Variants in MAPK8IP2 observed in about 807,000 individuals in gnomAD.
The protein encoded by MAPK8IP2 is mitogen-activated protein kinase 8 interacting protein 2, also known as C-Jun-amino-terminal kinase-interacting protein 2.
In MAPK8IP2, 15 loss-of-function variants were observed where a neutral mutation model predicts 75.6. The observed-to-expected ratio is 0.20, with a 90% CI of 0.13 to 0.31. MAPK8IP2 has a LOEUF of 0.31. Among genes scored for constraint, MAPK8IP2 ranks in the 10% least tolerant of loss-of-function variants. The pLI is 1.00. For synonymous variants in MAPK8IP2, 632 were observed against 554.5 expected, an observed-to-expected ratio of 1.14 and a Z score of -1.96; for missense variants, 1,089 against 1,211.2, an observed-to-expected ratio of 0.90 and a Z score of 1.50.
rs757280859 is a variant in MAPK8IP2 at position 50,610,703 on chromosome 22, C to T, written c.2403-4C>T. ...GTGGCTGGTGGAGGACCGTCTTTCC[C>T]CAGCCGCGCCTTCCTGGAGTACTAC... On this transcript the variant is annotated splice_polypyrimidine_tract_variant and splice_region_variant and intron_variant, in intron 11 of 11. Transcript: ENST00000329492. The surrounding 1 kb of genome is among the most constrained non-coding windows in gnomAD (Gnocchi z 4.3). 1.1e-5 allele frequency: 18 copies of T among 1,600,816 alleles called. No homozygotes were observed. The highest frequency in any genetic ancestry group is 6.9e-5 in the Admixed American group (4 of 58,126).
Position 50,610,929 on chromosome 22 carries a change from C to T in MAPK8IP2, c.*150C>T, listed in dbSNP as rs1158548300. On this transcript the variant is annotated 3_prime_UTR_variant, in exon 12 of 12. Coordinates refer to ENST00000329492, the MANE Select transcript of MAPK8IP2 (RefSeq NM_012324.6). The surrounding 1 kb of genome is among the most constrained non-coding windows in gnomAD (Gnocchi z 4.3). The stretch of plus-strand genomic sequence containing the variant: ...GGGTCTGCGGGCTGGGAACTCTCGT[C>T]CTCGGTCCCCAGGGCGCAGCTGTTG... 4.6e-6 allele frequency: 3 copies of T among 646,644 alleles called. No individual in the cohort carries two copies. The African/African-American group carries it at 5.6e-5, about 12-fold the overall frequency. The allele number at this position is 646,644 out of a possible 1,614,324, so 40.1% of individuals were successfully genotyped here. A position where few individuals can be genotyped will look rare whatever the true frequency, so the allele number is the denominator to read the frequency against.
chr22:50,607,493 G>A lies in MAPK8IP2; in HGVS notation c.2303+502G>A, dbSNP rs1215342773. Among the ~76,000 whole-genome samples, 2 of 152,116 alleles carry A rather than the reference G, an allele frequency of 1.3e-5. No homozygotes were observed. Among genetic ancestry groups the A allele is most frequent in the African/African-American group, 4.8e-5 (2 of 41,420 alleles). ...CTGTACTTAATCTTGCTGGTAATGAGGCCATAGAAGGCTCCTAATGGAAGG... is the reference window on the plus strand; with the variant it reads ...CTGTACTTAATCTTGCTGGTAATGAAGCCATAGAAGGCTCCTAATGGAAGG... On this transcript the variant is annotated intron_variant, in intron 10 of 11. Coordinates refer to ENST00000329492, the MANE Select transcript of MAPK8IP2 (RefSeq NM_012324.6). The surrounding 1 kb of genome is among the most constrained non-coding windows in gnomAD (Gnocchi z 5.6).
chr22:50,601,454 T>A, intron 1 of MAPK8IP2: 1 of 252,828 alleles, frequency 4.0e-6, no homozygotes, highest in South Asian at 6.6e-5. Context: ...CGCTGCCGCG[T>A]TGCAGCTCCC....
rs2071184457 is a variant in MAPK8IP2, at chr22:50,613,672, A to C, written c.*2893A>C. 1 of 151,774 alleles carries C rather than the reference A, an allele frequency of 6.6e-6. No homozygotes were observed. The highest frequency in any genetic ancestry group is 1.5e-5 in the Non-Finnish European group (1 of 68,002). 9.4% of individuals were successfully genotyped at this position (151,774 alleles called of 1,614,324 possible). ...CAGCATGACCCGCCCCCACCCCTGCATCCCACTTCTGCTCTGGGAGCCTCT... is the reference window on the plus strand; with the variant it reads ...CAGCATGACCCGCCCCCACCCCTGCCTCCCACTTCTGCTCTGGGAGCCTCT... On this transcript the variant is annotated 3_prime_UTR_variant, in exon 12 of 12. Transcript: ENST00000329492.
In MAPK8IP2 at chr22:50,605,526, C is replaced by T. The variant is rs189581121; in HGVS notation, c.1842-36C>T. On this transcript the variant is annotated intron_variant, in intron 6 of 11. Coordinates refer to ENST00000329492, the MANE Select transcript of MAPK8IP2 (RefSeq NM_012324.6). ...CGCCAGTGGACACGACCGTCAATCC[C>T]GCCCCCCTCCCCAGTGACCTCTCCC... 5,959 of 816,322 alleles carry T rather than the reference C, an allele frequency of 7.3e-3. 24 individuals are homozygous for T. Among genetic ancestry groups the T allele is most frequent in the Non-Finnish European group, 9.5e-3 (4,832 of 506,834 alleles). The allele number at this position is 816,322 out of a possible 1,614,324, so 50.6% of individuals were successfully genotyped here. A position where few individuals can be genotyped will look rare whatever the true frequency, so the allele number is the denominator to read the frequency against.
rs1432242032 is a variant in MAPK8IP2, at chr22:50,604,703, CGAG to C, written c.1413_1415del (p.Glu471del). The stretch of plus-strand genomic sequence containing the variant: ...GACGAGCCTGCTCCGCCGCCTGCTC[CGAG>C]GAGGAGGACGAAGAGGACGACGAGG... On this transcript the variant is annotated inframe_deletion, in exon 5 of 12. Transcript: ENST00000329492. 6.5e-7 allele frequency: 1 copy of C among 1,526,816 alleles called. No homozygotes were observed. Among genetic ancestry groups the C allele is most frequent in the Non-Finnish European group, 8.8e-7 (1 of 1,138,068 alleles). 94.6% of individuals were successfully genotyped at this position (1,526,816 alleles called of 1,614,324 possible).
At chr22:50,609,861 C>T in intron 10 of MAPK8IP2, 1 of 525,060 alleles carries the variant, frequency 1.9e-6, no homozygotes. Flanking sequence ...CCTGAGTTGG[C>T]AGGAGATATG....
chr22:50,605,320 G>A (rs1484932955), intron 5 of MAPK8IP2, 48 bp from the exon 6 acceptor site: 2 of 1,570,300 alleles, frequency 1.3e-6, no homozygotes, highest in Admixed American at 3.4e-5. Flanking sequence ...GCACTACTCT[G>A]ACTCTGTCTC....
Position 50,603,336 on chromosome 22 carries a change from GGAA to G in MAPK8IP2, c.288_290del (p.Glu103del). The G allele has an allele frequency of 6.4e-7, 1 of 1,557,698 alleles. No individual in the cohort carries two copies. The highest frequency in any genetic ancestry group is 8.7e-7 in the Non-Finnish European group (1 of 1,153,844). ...ATGAAGAGGAGGACGATGAGGACGA[GGAA>G]GAGGAGGAGGAGGAGGAGGAGGGAG... On this transcript the variant is annotated inframe_deletion, in exon 3 of 12. Coordinates refer to ENST00000329492, the MANE Select transcript of MAPK8IP2 (RefSeq NM_012324.6).
Position 50,610,294 on chromosome 22 carries a change from G to T in MAPK8IP2, c.2386G>T (p.Val796Leu), listed in dbSNP as rs1181960110. The change falls in exon 11 of 12, where the codon GTG becomes TTG. Residue 796 changes from valine to leucine, a missense_variant. By Grantham distance (32) the Val-to-Leu change is conservative. Coordinates refer to ENST00000329492, the MANE Select transcript of MAPK8IP2 (RefSeq NM_012324.6). This position sits in a 1 kb window ranked among gnomAD's most constrained non-coding sequence, Gnocchi z 4.3. The part of the protein sequence containing the change: ...VFVSQESMRP[V>L]AQSVGRAFLE... ...TGTCTCCCAGGAGTCCATGAGGCCG[G>T]TGGCGCAGAGTGTGGGGTGAGTGGG... The T allele has an allele frequency of 1.2e-6, 2 of 1,604,096 alleles. No homozygotes were observed. Among genetic ancestry groups the T allele is most frequent in the African/African-American group, 1.3e-5 (1 of 74,778 alleles).
chr22:50,609,462 T>G (rs2071108080), intron 10 of MAPK8IP2, among the ~76,000 whole-genome samples: 2 of 152,146 alleles, frequency 1.3e-5, no homozygotes, highest in Admixed American at 6.5e-5. Context: ...GAACGCGGCA[T>G]TTGAGGCGGG....
intron 10 of MAPK8IP2, chr22:50,609,860 G>A (rs2071117641): frequency 3.8e-6 from 2 of 524,824 alleles, no homozygotes; most frequent in Admixed American, 2.1e-5. Context: ...GCCTGAGTTG[G>A]CAGGAGATAT....
At position 50,610,236 on chromosome 22, in the gene MAPK8IP2, C is replaced by A; in HGVS notation, c.2328C>A (p.His776Gln). Residue 776 changes from histidine (H) to glutamine (Q), a missense_variant, in exon 11 of 12, where the codon CAC (histidine) becomes CAA (glutamine). Transcript: ENST00000329492. The surrounding 1 kb of genome is among the most constrained non-coding windows in gnomAD (Gnocchi z 4.3). Reference sequence around the variant, plus strand: ...GCTATTTCGGCTTCATCACCAAACACCCCCTGCTGAGCCGCTTCGCCTGCC... The same window carrying A: ...GCTATTTCGGCTTCATCACCAAACAACCCCTGCTGAGCCGCTTCGCCTGCC... ...NSCYFGFITKHPLLSRFACHV... is the reference protein window; with the variant it reads ...NSCYFGFITKQPLLSRFACHV... The A allele has an allele frequency of 2.5e-6, 4 of 1,603,138 alleles. No homozygotes were observed. Among genetic ancestry groups the A allele is most frequent in the Non-Finnish European group, 3.4e-6 (4 of 1,175,406 alleles).
rs2071015926 is a variant in MAPK8IP2 at position 50,604,795 on chromosome 22, C to T, written c.1496C>T (p.Pro499Leu). 6.5e-7 allele frequency: 1 copy of T among 1,548,124 alleles called. No homozygotes were observed. Among genetic ancestry groups the T allele is most frequent in the Non-Finnish European group, 8.7e-7 (1 of 1,147,592 alleles). Residue 499 changes from proline (P) to leucine (L), a missense_variant, in exon 5 of 12, where the codon CCG (proline) becomes CTG (leucine). By Grantham distance (98) the Pro-to-Leu change is moderately conservative. Transcript: ENST00000329492. ...PGGRGTGPSA[P>L]RDASLVYDAV... The stretch of plus-strand genomic sequence containing the variant: ...GGCAGGGGCACGGGCCCCTCGGCGC[C>T]GCGGGACGCGTCGCTGGTGTACGAC...
chr22:50,609,123 C>T (rs1480153507), intron 10 of MAPK8IP2, among the ~76,000 whole-genome samples: 1 of 152,166 alleles, frequency 6.6e-6, no homozygotes, highest in African/African-American at 2.4e-5. Context: ...CACGAGGAGG[C>T]ACGGACGAAA....
In MAPK8IP2 at chr22:50,604,965, G is replaced by C; in HGVS notation, c.1666G>C (p.Gly556Arg). Residue 556 changes from glycine (G) to arginine (R), a missense_variant, in exon 5 of 12, where the codon GGC becomes CGC. Physicochemically the swap from Gly to Arg is moderately radical, Grantham distance 125 (BLOSUM62 -2). Coordinates refer to ENST00000329492, the MANE Select transcript of MAPK8IP2 (RefSeq NM_012324.6). ...EEEAGAALLG[G>R]GQVSGDTSPD... is the part of the protein sequence containing the mutation. ...GGAGGCGGGCGCGGCGCTGCTAGGC[G>C]GCGGTCAGGTCTCGGGGGACACCTC... is the stretch of plus-strand genomic sequence containing the variant. 1 of 1,612,202 alleles carries C rather than the reference G, an allele frequency of 6.2e-7. No individual in the cohort carries two copies. The highest frequency in any genetic ancestry group is 8.5e-7 in the Non-Finnish European group (1 of 1,179,748).
In MAPK8IP2 at chr22:50,604,950, G is replaced by A. The variant is rs771313856; in HGVS notation, c.1651G>A (p.Ala551Thr). The A allele has an allele frequency of 8.1e-6, 13 of 1,611,444 alleles. No individual in the cohort carries two copies. The highest frequency in any genetic ancestry group is 4.4e-5 in the South Asian group (4 of 91,012). The change falls in exon 5 of 12, where the codon GCG becomes ACG. Residue 551 changes from alanine to threonine, a missense_variant. Coordinates refer to ENST00000329492, the MANE Select transcript of MAPK8IP2 (RefSeq NM_012324.6). ...GGEASEEEAG[A>T]ALLGGGQVSG... ...GGAGGCCAGCGAGGAGGAGGCGGGCGCGGCGCTGCTAGGCGGCGGTCAGGT... is the reference window on the plus strand; with the variant it reads ...GGAGGCCAGCGAGGAGGAGGCGGGCACGGCGCTGCTAGGCGGCGGTCAGGT...
chr22:50,605,112 A>G (rs1448336057), intron 5 of MAPK8IP2, 48 bp downstream of exon 5: 1 of 1,598,366 alleles, frequency 6.3e-7, no homozygotes, highest in Non-Finnish European at 8.6e-7. Context: ...GAAGGTGCAG[A>G]CTCCCTGGCC....
At chr22:50,605,972 C>A in intron 8 of MAPK8IP2, 38 bp downstream of exon 8, 2 of 1,483,582 alleles carry the variant, frequency 1.3e-6, no homozygotes, top group East Asian at 2.5e-5. Flanking sequence ...GCTGAGGGTC[C>A]GCTTGGCGGC....
Sources: allele counts gnomAD v4.1 joint callset (sites outside exome capture counted in the v4.1 genomes callset), GRCh38; gene constraint gnomAD v4.1.1; non-coding constraint Gnocchi (gnomAD v3.1); transcripts MANE v1.5; gene names NCBI Gene and HGNC (gene_info 2026-07-23, HGNC 2026-07-21).